The following HPGD variants were observed in gnomAD, a reference collection of about 807,000 sequenced individuals.
HPGD encodes the protein 15-hydroxyprostaglandin dehydrogenase, also known as 15-hydroxyprostaglandin dehydrogenase [NAD(+)].
Under a neutral mutation model 30.0 loss-of-function variants are expected in HPGD, and 29 were observed. The ratio of observed to expected loss-of-function variants is 0.97; its 90% CI spans 0.72 to 1.32. The LOEUF (loss-of-function observed/expected upper bound fraction) is 1.32. Ranked by LOEUF, HPGD falls within the 40% of genes most tolerant of loss-of-function variation. The pLI is 0.00. For missense variants in HPGD, 340 were observed against 322.1 expected, an observed-to-expected ratio of 1.06 and a Z score of -0.43; for synonymous variants, 99 against 112.4, an observed-to-expected ratio of 0.88 and a Z score of 0.75.
rs569706476 is a variant in HPGD at position 174,498,868 on chromosome 4, G to A, written c.422-3244C>T. ...TACCTATACTTCAGTTTGTTGCTTT[G>A]AAAATGAAGCCTAAATGGAGGGAGA... On this transcript the variant is annotated intron_variant, in intron 4 of 6. Transcript: ENST00000296522. Among the ~76,000 whole-genome samples, 50 of 152,180 alleles carry A rather than the reference G, an allele frequency of 3.3e-4. No homozygotes were observed. The South Asian group carries it at 0.01, about 31-fold the overall frequency.
At chr4:174,521,875 C>T (rs1470988747) in intron 2 of HPGD, 69 bp downstream of exon 2, 2 of 1,600,676 alleles carry the variant, frequency 1.2e-6, no homozygotes, top group Non-Finnish European at 1.7e-6. Flanking sequence ...GCCCCCTGGC[C>T]GGGCTGCCTT....
chr4:174,493,145 A>G lies in HPGD; in HGVS notation c.662+6T>C, dbSNP rs1394359835. On this transcript the variant is annotated splice_donor_region_variant and intron_variant, in intron 6 of 6. Coordinates refer to ENST00000296522, the MANE Select transcript of HPGD (RefSeq NM_000860.6). ...TTTAAAAGAAAATAGACATAGTTTTACTTACTCCAAAATTCCATAGTATTT... is the reference window on the plus strand; with the variant it reads ...TTTAAAAGAAAATAGACATAGTTTTGCTTACTCCAAAATTCCATAGTATTT... 3 of 1,569,006 alleles carry G rather than the reference A, an allele frequency of 1.9e-6. No homozygotes were observed. The African/African-American group carries it at 4.1e-5, about 21-fold the overall frequency.
In HPGD at chr4:174,522,221, A is replaced by T; in HGVS notation, c.93+138T>A. On this transcript the variant is annotated intron_variant, in intron 1 of 6. Transcript: ENST00000296522. ...ACTTCTGAGGTGTGCTCACAGCCTC[A>T]GCTTCAGCAAATTTTGGAAGTGGCA... The T allele has an allele frequency of 2.1e-6, 3 of 1,417,476 alleles. No individual in the cohort carries two copies. In the South Asian group the frequency reaches 3.5e-5, roughly 17 times the overall value. The allele number at this position is 1,417,476 out of a possible 1,614,324, so 87.8% of individuals were successfully genotyped here. A position where few individuals can be genotyped will look rare whatever the true frequency, so the allele number is the denominator to read the frequency against.
intron 3 of HPGD, among the ~76,000 whole-genome samples, 165 bp downstream of exon 3, chr4:174,517,806 C>T (rs1735865997): frequency 6.6e-6 from 1 of 152,096 alleles, no homozygotes; most frequent in Non-Finnish European, 1.5e-5. Flanking sequence ...AATTAAATGT[C>T]TTCCTTTTTA....
intron 3 of HPGD, among the ~76,000 whole-genome samples, chr4:174,514,806 A>G (rs938946613): frequency 2.0e-5 from 3 of 152,196 alleles, no homozygotes; most frequent in African/African-American, 4.8e-5. Context: ...CTGATAAACA[A>G]TTTAAGTTAC....
At chr4:174,503,241 T>G (rs2110811233) in intron 4 of HPGD, among the ~76,000 whole-genome samples, 1 of 152,176 alleles carries the variant, frequency 6.6e-6, no homozygotes, top group Non-Finnish European at 1.5e-5. Flanking sequence ...GCAGGAAGGG[T>G]GGCTCCCATA....
chr4:174,493,380 T>A (rs1734437955), intron 5 of HPGD, 66 bp from the exon 6 acceptor site: 6 of 1,456,186 alleles, frequency 4.1e-6, no homozygotes, highest in Middle Eastern at 3.5e-4. Context: ...AAACTGATCA[T>A]TAAAGCATCT....
chr4:174,495,467 A>T, intron 5 of HPGD, 81 bp downstream of exon 5: 2 of 1,065,804 alleles, frequency 1.9e-6, no homozygotes, highest in Non-Finnish European at 2.9e-6. Flanking sequence ...GTGATTTCTC[A>T]AGTGATTCCT....
At chr4:174,513,884 C>G (rs1579298108) in intron 3 of HPGD, among the ~76,000 whole-genome samples, 1 of 152,080 alleles carries the variant, frequency 6.6e-6, no homozygotes, top group South Asian at 2.1e-4. Flanking sequence ...TCATTAGCAA[C>G]TTATGCTCTG....
intron 3 of HPGD, 102 bp downstream of exon 3, chr4:174,517,869 T>C (rs1735869450): frequency 1.5e-6 from 1 of 663,856 alleles, no homozygotes; most frequent in South Asian, 1.8e-5. Context: ...TTCAATATTG[T>C]AGGTCATTGT....
At chr4:174,497,578 T>TTTTTTC (rs1734682466) in intron 4 of HPGD, among the ~76,000 whole-genome samples, 1 of 109,344 alleles carries the variant, frequency 9.1e-6, no homozygotes, top group South Asian at 3.4e-4. Context: ...CTTTTTTTTT[T>TTTTTTC]TTTTTTTTTT....
chr4:174,514,188 C>T (rs1735654120), intron 3 of HPGD, among the ~76,000 whole-genome samples: 1 of 151,888 alleles, frequency 6.6e-6, no homozygotes, highest in Admixed American at 6.6e-5. Flanking sequence ...AAGATTTAGC[C>T]AAGAGATGTA....
chr4:174,512,735 T>C (rs1420064825), intron 3 of HPGD, among the ~76,000 whole-genome samples: 3 of 152,228 alleles, frequency 2.0e-5, no homozygotes, highest in East Asian at 3.8e-4. Flanking sequence ...TTTCTTTATG[T>C]AAACATATAT....
intron 3 of HPGD, among the ~76,000 whole-genome samples, chr4:174,515,285 A>G (rs750023545): frequency 2.6e-5 from 4 of 152,212 alleles, no homozygotes; most frequent in Admixed American, 6.5e-5. Context: ...ACAGTAACCC[A>G]AACAGCACGG....
rs552835642 is a variant in HPGD, at chr4:174,510,485, G to A, written c.325-1693C>T. Among the ~76,000 whole-genome samples the A allele has an allele frequency of 7.9e-5, 12 of 152,298 alleles. No individual in the cohort carries two copies. In the South Asian group the frequency reaches 1.4e-3, roughly 18 times the overall value. ...TATTGGCACTACGCTTTTATTCTCA[G>A]GTATTACAGCTTTGCTGACACCCCA... On this transcript the variant is annotated intron_variant, in intron 3 of 6. Coordinates refer to ENST00000296522, the MANE Select transcript of HPGD (RefSeq NM_000860.6).
Position 174,517,974 on chromosome 4 carries a change from AT to A in HPGD, c.320del (p.Asn107IlefsTer16), listed in dbSNP as rs1425589846. 4.0e-6 allele frequency: 6 copies of A among 1,491,738 alleles called. No homozygotes were observed. Among genetic ancestry groups the A allele is most frequent in the Non-Finnish European group, 5.6e-6 (6 of 1,069,184 alleles). The allele number at this position is 1,491,738 out of a possible 1,614,324, so 92.4% of individuals were successfully genotyped here. A position where few individuals can be genotyped will look rare whatever the true frequency, so the allele number is the denominator to read the frequency against. ...AAATATAGCTAAGATAACTCACCAA[AT>A]TAATTTGCAGAGTTTTTTCCCAGTT... ...EKNWEKTLQI[N>X]LVSVISGTYL... is the part of the protein sequence containing the mutation. On this transcript the variant is annotated frameshift_variant, in exon 3 of 7. Coordinates refer to ENST00000296522, the MANE Select transcript of HPGD (RefSeq NM_000860.6). LOFTEE classifies it high-confidence loss of function.
In HPGD at chr4:174,495,282, G is replaced by C. The variant is rs566130100; in HGVS notation, c.498+266C>G. ...ATATTTCCATTTGGGGTCATTTTTG[G>C]AAATAAGTACTATCTCCCCATTACT... On this transcript the variant is annotated intron_variant, in intron 5 of 6. Transcript: ENST00000296522. 2.9e-5 allele frequency: 13 copies of C among 450,664 alleles called. No homozygotes were observed. In the Admixed American group the frequency reaches 4.5e-4, roughly 16 times the overall value. 27.9% of individuals were successfully genotyped at this position (450,664 alleles called of 1,614,324 possible).
chr4:174,502,321 G>GTTTT (rs1261807340), intron 4 of HPGD, among the ~76,000 whole-genome samples: 3 of 151,946 alleles, frequency 2.0e-5, no homozygotes, highest in Non-Finnish European at 4.4e-5. Context: ...TCTGATGGCT[G>GTTTT]TTTTTTTTCT....
rs1734480784 is a variant in HPGD, at chr4:174,494,330, A to AACCCTCTATTTCCCCTAAAAGCAATGG, written c.499-1043_499-1017dup. Among the ~76,000 whole-genome samples the AACCCTCTATTTCCCCTAAAAGCAATGG allele has an allele frequency of 1.3e-5, 2 of 152,202 alleles. No homozygotes were observed. The highest frequency in any genetic ancestry group is 1.3e-4 in the Admixed American group (2 of 15,274). Reference sequence around the variant, plus strand: ...TGTGACCAGAGGCTTTCAGGAACTTAACCCTCTATTTCCCCTAAAAGCAAT... The same window carrying AACCCTCTATTTCCCCTAAAAGCAATGG: ...TGTGACCAGAGGCTTTCAGGAACTTAACCCTCTATTTCCCCTAAAAGCAATGGACCCTCTATTTCCCCTAAAAGCAAT... On this transcript the variant is annotated intron_variant, in intron 5 of 6. Coordinates refer to ENST00000296522, the MANE Select transcript of HPGD (RefSeq NM_000860.6). The surrounding 1 kb of genome is among the most constrained non-coding windows in gnomAD (Gnocchi z 4.9).
Sources: allele counts gnomAD v4.1 joint callset (sites outside exome capture counted in the v4.1 genomes callset), GRCh38; gene constraint gnomAD v4.1.1; non-coding constraint Gnocchi (gnomAD v3.1); transcripts MANE v1.5; gene names NCBI Gene and HGNC (gene_info 2026-07-23, HGNC 2026-07-21).